DDX54: variants seen among roughly 807,000 people sequenced by gnomAD.
The protein encoded by DDX54 is DEAD-box helicase 54, also known as ATP-dependent RNA helicase DDX54.
In DDX54, 67 loss-of-function variants were observed where a neutral mutation model predicts 105.5. That is an observed-to-expected ratio of 0.64 (90% confidence interval 0.52 to 0.78). The LOEUF is 0.78. Among genes scored for constraint, DDX54 ranks in the 30% least tolerant of loss-of-function variants. The pLI, the probability that DDX54 is intolerant of heterozygous loss-of-function variation, is 0.00. For missense variants in DDX54, 1,206 were observed against 1,230.5 expected, an observed-to-expected ratio of 0.98 and a Z score of 0.30; for synonymous variants, 514 against 509.9, an observed-to-expected ratio of 1.01 and a Z score of -0.11.
At chr12:113,166,068 A>T in intron 12 of DDX54, 36 bp from the exon 13 acceptor site, 7 of 1,544,646 alleles carry the variant, frequency 4.5e-6, no homozygotes, top group Non-Finnish European at 5.2e-6. Context: ...GAGGTCTTTC[A>T]GCCTGGCCCG....
At chr12:113,170,955 A>G (rs1254061860) in intron 11 of DDX54, among the ~76,000 whole-genome samples, 1 of 152,254 alleles carries the variant, frequency 6.6e-6, no homozygotes, top group African/African-American at 2.4e-5. Flanking sequence ...TGAAGTACCT[A>G]AATCACTACA....
rs1217761119 is a variant in DDX54, at chr12:113,164,086, T to G, written c.1919A>C (p.Glu640Ala). ...CTGTACCTCCACACTCTCTCCCGCCTCCTCCTCCTCCTCCTTCTCAGGCTG... is the reference window on the plus strand; with the variant it reads ...CTGTACCTCCACACTCTCTCCCGCCGCCTCCTCCTCCTCCTTCTCAGGCTG... ...EKQPEKEEEE[E>A]AGESVEDIFS... Residue 640 changes from glutamate (E) to alanine (A), a missense_variant, in exon 15 of 20, where the codon GAG becomes GCG. Physicochemically the swap from Glu to Ala is moderately radical, Grantham distance 107. This residue lies in a region of DDX54 where 961 missense variants were observed against 1,019.1 expected (regional missense o/e 0.94). Transcript: ENST00000306014. 1.3e-6 allele frequency: 2 copies of G among 1,510,178 alleles called. No homozygotes were observed. Among genetic ancestry groups the G allele is most frequent in the Admixed American group, 4.2e-5 (2 of 48,190 alleles). 93.5% of individuals were successfully genotyped at this position (1,510,178 alleles called of 1,614,324 possible).
Position 113,163,141 on chromosome 12 carries a change from C to T in DDX54, c.2072G>A (p.Ser691Asn), listed in dbSNP as rs1299754662. 2 of 1,613,196 alleles carry T rather than the reference C, an allele frequency of 1.2e-6. No homozygotes were observed. The highest frequency in any genetic ancestry group is 2.2e-5 in the South Asian group (2 of 91,068). The change falls in exon 16 of 20, where the codon AGC (serine) becomes AAC (asparagine). Residue 691 changes from serine (S) to asparagine (N), a missense_variant. Ser to Asn is a conservative substitution (Grantham distance 46). Around this residue, in one of 3 missense-constraint regions of DDX54, gnomAD observed 961 missense variants for 1,019.1 expected, o/e 0.94. Coordinates refer to ENST00000306014, the MANE Select transcript of DDX54 (RefSeq NM_024072.4). This position sits in a 1 kb window ranked among gnomAD's most constrained non-coding sequence, Gnocchi z 5.9. ...YIPYRPKDFD[S>N]ERGLSISGEG... ...CCAGCCAGCCACTCACCCCCGCTCG[C>T]TGTCAAAGTCCTTGGGCCGGTAGGG...
At chr12:113,175,470 G>A (rs993229376) in intron 7 of DDX54, among the ~76,000 whole-genome samples, 5 of 152,118 alleles carry the variant, frequency 3.3e-5, no homozygotes, top group Admixed American at 1.3e-4. Flanking sequence ...CACCCTAGGC[G>A]AGATCCCATC....
intron 19 of DDX54, among the ~76,000 whole-genome samples, chr12:113,161,015 G>A (rs1467394467): frequency 6.6e-6 from 1 of 151,528 alleles, no homozygotes; most frequent in Non-Finnish European, 1.5e-5. Flanking sequence ...GCACCTGAGG[G>A]GCATGGCACT....
intron 3 of DDX54, 110 bp downstream of exon 3, chr12:113,179,825 A>C: frequency 1.5e-6 from 2 of 1,292,014 alleles, no homozygotes; most frequent in South Asian, 2.4e-5. Flanking sequence ...AGCAGAGTAA[A>C]GGGGGCAGGA....
chr12:113,184,091 C>A (rs1380784947), intron 1 of DDX54, among the ~76,000 whole-genome samples: 1 of 152,182 alleles, frequency 6.6e-6, no homozygotes, highest in East Asian at 1.9e-4. Context: ...GGATTACAGG[C>A]ACATGCCACC....
chr12:113,167,877 C>CAGGCCCTGG, intron 12 of DDX54: 1 of 494,058 alleles, frequency 2.0e-6, no homozygotes, highest in Non-Finnish European at 4.0e-6. Context: ...TGGCCCTGGG[C>CAGGCCCTGG]GCAGGGTCCA....
chr12:113,177,349 C>T (rs1952415895), intron 5 of DDX54: 7 of 447,818 alleles, frequency 1.6e-5, no homozygotes, highest in Admixed American at 7.6e-5. Flanking sequence ...TCAATTCACT[C>T]CTTCTGTTGT....
intron 11 of DDX54, among the ~76,000 whole-genome samples, chr12:113,170,804 CT>C (rs1197793095): frequency 6.6e-6 from 1 of 152,076 alleles, no homozygotes; most frequent in Non-Finnish European, 1.5e-5. Flanking sequence ...TGTCTAGCCC[CT>C]TACAGAAAAG....
At chr12:113,175,217 C>T (rs1429394200) in intron 7 of DDX54, 60 bp from the exon 8 acceptor site, 37 of 1,530,140 alleles carry the variant, frequency 2.4e-5, no homozygotes, top group South Asian at 1.8e-4. Context: ...GAGTTCCAAC[C>T]GCAGCCATCC....
intron 1 of DDX54, chr12:113,183,896 C>A (rs1254639546): frequency 6.6e-6 from 1 of 152,146 alleles, no homozygotes; most frequent in South Asian, 2.1e-4. Flanking sequence ...AAGTGATCCT[C>A]CCACATTGCC....
intron 1 of DDX54, 50 bp downstream of exon 1, chr12:113,185,228 C>G (rs779131823): frequency 1.4e-6 from 2 of 1,442,974 alleles, no homozygotes; most frequent in South Asian, 2.9e-5. Context: ...GAGGCGCTGC[C>G]CGGAGCCGGG....
At chr12:113,177,523 T>C (rs1212322707) in intron 5 of DDX54, among the ~76,000 whole-genome samples, 3 of 152,050 alleles carry the variant, frequency 2.0e-5, no homozygotes, top group Non-Finnish European at 2.9e-5. Flanking sequence ...GCAGCACCCT[T>C]GGGATACCTG....
intron 10 of DDX54, 88 bp from the exon 11 acceptor site, chr12:113,172,651 G>T: frequency 6.7e-7 from 1 of 1,485,778 alleles, no homozygotes; most frequent in Non-Finnish European, 9.1e-7. Flanking sequence ...GACGGGCACT[G>T]AGGTGCAGAG....
intron 18 of DDX54, among the ~76,000 whole-genome samples, 200 bp downstream of exon 18, chr12:113,161,693 A>G (rs1184524717): frequency 9.1e-6 from 1 of 110,174 alleles, no homozygotes; most frequent in Non-Finnish European, 1.9e-5. Context: ...AGGTCCCACT[A>G]GTTCGAGATG....
intron 12 of DDX54, 24 bp from the exon 13 acceptor site, chr12:113,166,056 C>T (rs754118788): frequency 3.2e-6 from 5 of 1,584,734 alleles, no homozygotes; most frequent in Non-Finnish European, 4.3e-6. Context: ...AGCACCTTGT[C>T]AGAGGTCTTT....
rs1462208057 is a variant in DDX54, at chr12:113,157,497, A to G, written c.*1380T>C. ...TCATCACTGTTCTTTTAATGAGGGGATCTCCAGTCCCCGCCCTACCTTTCG... is the reference window on the plus strand; with the variant it reads ...TCATCACTGTTCTTTTAATGAGGGGGTCTCCAGTCCCCGCCCTACCTTTCG... On this transcript the variant is annotated 3_prime_UTR_variant, in exon 20 of 20. Coordinates refer to ENST00000306014, the MANE Select transcript of DDX54 (RefSeq NM_024072.4). The G allele has an allele frequency of 6.0e-6, 5 of 826,882 alleles. No individual in the cohort carries two copies. The African/African-American group carries it at 8.4e-5, about 14-fold the overall frequency. 51.2% of individuals were successfully genotyped at this position (826,882 alleles called of 1,614,324 possible).
intron 12 of DDX54, chr12:113,167,827 T>G: frequency 2.7e-6 from 1 of 370,206 alleles, no homozygotes; most frequent in Non-Finnish European, 5.4e-6. Context: ...CCCAGGAGGC[T>G]GCAGATCTGT....
Sources: gnomAD v4.1 joint callset for allele counts (sites outside exome capture counted in the v4.1 genomes callset) on GRCh38, gnomAD v4.1.1 for gene constraint, gnomAD v4.1.1 regional missense constraint, Gnocchi (gnomAD v3.1) non-coding constraint, MANE v1.5 for transcripts, NCBI Gene and HGNC (gene_info 2026-07-23, HGNC 2026-07-21) for gene names.